ELMO1: variants seen among roughly 807,000 people sequenced by gnomAD.
ELMO1 encodes the protein engulfment and cell motility 1, also known as engulfment and cell motility protein 1.
A neutral mutation model predicts 98.9 loss-of-function variants in ELMO1; 26 were observed. The ratio of observed to expected loss-of-function variants is 0.26; its 90% CI spans 0.19 to 0.36. The LOEUF is 0.36. Among genes scored for constraint, ELMO1 ranks in the 10% least tolerant of loss-of-function variants. ELMO1 has a pLI of 1.00. For synonymous variants in ELMO1, 346 were observed against 346.0 expected, an observed-to-expected ratio of 1.00 and a Z score of 0.00; for missense variants, 627 against 935.2, an observed-to-expected ratio of 0.67 and a Z score of 4.30.
At chr7:37,068,499 A>C (rs13233995) in intron 15 of ELMO1, among the ~76,000 whole-genome samples, 43,929 of 152,032 alleles carry the variant, frequency 0.29, 8,756 homozygotes, top group African/African-American at 0.57. Context: ...TGCTAGTATA[A>C]CTATGAGGCC....
intron 13 of ELMO1, among the ~76,000 whole-genome samples, chr7:37,171,216 A>G (rs1790131528): frequency 2.0e-5 from 3 of 152,104 alleles, no homozygotes. Flanking sequence ...TTCAATAAAT[A>G]TATTTTAAAA....
intron 16 of ELMO1, among the ~76,000 whole-genome samples, chr7:36,999,602 T>C (rs888298893): frequency 6.6e-6 from 1 of 152,230 alleles, no homozygotes; most frequent in Non-Finnish European, 1.5e-5. Flanking sequence ...AAATAGGTAC[T>C]GTGAATAATA....
intron 16 of ELMO1, among the ~76,000 whole-genome samples, chr7:36,974,951 T>C (rs1376599953): frequency 1.3e-5 from 2 of 150,900 alleles, no homozygotes; most frequent in Non-Finnish European, 2.9e-5. Context: ...AGCGAGACCA[T>C]GAACCCACCA....
At chr7:37,199,813 A>G (rs1584798650) in intron 13 of ELMO1, among the ~76,000 whole-genome samples, 2 of 152,314 alleles carry the variant, frequency 1.3e-5, no homozygotes, top group East Asian at 3.9e-4. Context: ...CACAGAAGAA[A>G]GATCTGCAAG....
chr7:36,924,758 G>T (rs1351754222), intron 16 of ELMO1, among the ~76,000 whole-genome samples: 13 of 152,150 alleles, frequency 8.5e-5, no homozygotes, highest in Admixed American at 6.5e-5. Context: ...GCACCCCCAT[G>T]GTGGGGGGTG....
intron 4 of ELMO1, among the ~76,000 whole-genome samples, chr7:37,296,032 A>G (rs548364049): frequency 6.6e-6 from 1 of 152,352 alleles, no homozygotes; most frequent in East Asian, 1.9e-4. Flanking sequence ...AGAGTTTAAA[A>G]CAGCACAGAT....
chr7:37,313,979 A>G (rs1799021040), intron 4 of ELMO1, among the ~76,000 whole-genome samples: 1 of 152,226 alleles, frequency 6.6e-6, no homozygotes, highest in Non-Finnish European at 1.5e-5. Flanking sequence ...AGTTTAGAAG[A>G]CAAAACTGGC....
chr7:37,253,533 CACATAGACACAGGGCGGGGA>C (rs1223298788), intron 6 of ELMO1, among the ~76,000 whole-genome samples: 2 of 152,166 alleles, frequency 1.3e-5, no homozygotes, highest in East Asian at 3.9e-4. Flanking sequence ...ACAATGAGAA[CACATAGACACAGGGCGGGGA>C]ACATCACACA....
intron 5 of ELMO1, among the ~76,000 whole-genome samples, chr7:37,268,926 C>G (rs2541092): frequency 0.39 from 59,791 of 152,108 alleles, 12,319 homozygotes; most frequent in Middle Eastern, 0.54. Context: ...ATAAAAACAG[C>G]AGTGTGTGTG....
At chr7:37,308,044 T>G (rs1798703919) in intron 4 of ELMO1, among the ~76,000 whole-genome samples, 1 of 152,104 alleles carries the variant, frequency 6.6e-6, no homozygotes, top group Non-Finnish European at 1.5e-5. Context: ...GCCTGGGAGA[T>G]GGAGGTTGCA....
intron 15 of ELMO1, among the ~76,000 whole-genome samples, chr7:37,055,551 C>T (rs186609589): frequency 7.6e-4 from 116 of 152,298 alleles, no homozygotes; most frequent in African/African-American, 2.5e-3. Flanking sequence ...AATGTGGTCA[C>T]TTTTTGCAGG....
intron 15 of ELMO1, among the ~76,000 whole-genome samples, chr7:37,020,829 A>C (rs933076302): frequency 1.3e-5 from 2 of 152,222 alleles, no homozygotes; most frequent in Non-Finnish European, 2.9e-5. Context: ...TTGTTGTAAA[A>C]TTATGAATTA....
At chr7:37,126,183 A>AT (rs1268622176) in intron 14 of ELMO1, among the ~76,000 whole-genome samples, 1 of 151,778 alleles carries the variant, frequency 6.6e-6, no homozygotes, top group Admixed American at 6.6e-5. Flanking sequence ...GCATTAGGAG[A>AT]TATACCTAAT....
chr7:37,388,636 A>C (rs1428561758), intron 1 of ELMO1, among the ~76,000 whole-genome samples: 2 of 151,684 alleles, frequency 1.3e-5, no homozygotes, highest in East Asian at 1.9e-4. Flanking sequence ...AAAAAAAAAA[A>C]ACACACAAAA....
At chr7:37,145,330 C>T (rs1013716803) in intron 13 of ELMO1, among the ~76,000 whole-genome samples, 2 of 152,238 alleles carry the variant, frequency 1.3e-5, no homozygotes, top group African/African-American at 4.8e-5. Flanking sequence ...TATTATATCA[C>T]GCTTTAATCC....
intron 15 of ELMO1, among the ~76,000 whole-genome samples, chr7:37,030,895 C>T (rs1274553678): frequency 6.6e-6 from 1 of 152,136 alleles, no homozygotes; most frequent in Admixed American, 6.5e-5. Context: ...CAGACAACTC[C>T]TTATTGGACA....
At chr7:37,093,828 C>A (rs1784245063) in intron 15 of ELMO1, among the ~76,000 whole-genome samples, 1 of 152,266 alleles carries the variant, frequency 6.6e-6, no homozygotes, top group East Asian at 1.9e-4. Context: ...TAAGCCTTGA[C>A]AAATTTCCAG....
chr7:37,437,979 C>CAAAAAAAAAAAA (rs57418239), intron 1 of ELMO1, among the ~76,000 whole-genome samples: 1 of 18,048 alleles, frequency 5.5e-5, no homozygotes, highest in African/African-American at 1.2e-4. Flanking sequence ...GACTCCGTCT[C>CAAAAAAAAAAAA]AAAAAAAAAA....
At chr7:36,973,358 T>C (rs1240734905) in intron 16 of ELMO1, among the ~76,000 whole-genome samples, 4 of 152,216 alleles carry the variant, frequency 2.6e-5, no homozygotes, top group Non-Finnish European at 4.4e-5. Context: ...GCCTGACATT[T>C]AGGAGACTGT....
Sources: allele counts gnomAD v4.1 joint callset (sites outside exome capture counted in the v4.1 genomes callset), GRCh38; gene constraint gnomAD v4.1.1; transcripts MANE v1.5; gene names NCBI Gene and HGNC (gene_info 2026-07-23, HGNC 2026-07-21).